Variants in LRP1B observed in about 807,000 individuals in gnomAD.
LRP1B encodes the protein LDL receptor related protein 1B.
In LRP1B, 217 loss-of-function variants were observed where a neutral mutation model predicts 556.6. The observed-to-expected ratio is 0.39, with a 90% CI of 0.35 to 0.44. The LOEUF (loss-of-function observed/expected upper bound fraction) is 0.44. Among genes scored for constraint, LRP1B ranks in the 20% least tolerant of loss-of-function variants. The pLI, the probability that LRP1B is intolerant of heterozygous loss-of-function variation, is 1.00. For synonymous variants in LRP1B, 2,047 were observed against 1,865.8 expected, an observed-to-expected ratio of 1.10 and a Z score of -2.50; for missense variants, 5,053 against 5,620.8, an observed-to-expected ratio of 0.90 and a Z score of 3.23.
intron 3 of LRP1B, among the ~76,000 whole-genome samples, chr2:141,280,242 T>TATTA (rs1685461492): frequency 6.6e-6 from 1 of 152,070 alleles, no homozygotes; most frequent in Non-Finnish European, 1.5e-5. Flanking sequence ...GAGACAGGAC[T>TATTA]GTAATTACAT....
At chr2:141,150,525 G>A (rs945813805) in intron 7 of LRP1B, among the ~76,000 whole-genome samples, 15 of 152,084 alleles carry the variant, frequency 9.9e-5, no homozygotes, top group African/African-American at 3.6e-4. Context: ...TTTTGGATTG[G>A]AGAAAGTACT....
chr2:140,388,782 C>G (rs1276576755), intron 66 of LRP1B, among the ~76,000 whole-genome samples: 8 of 152,182 alleles, frequency 5.3e-5, no homozygotes, highest in African/African-American at 1.9e-4. Context: ...AACATCAGTT[C>G]TCAAATTGGT....
chr2:141,298,293 T>A (rs565423635), intron 3 of LRP1B, among the ~76,000 whole-genome samples: 43 of 152,248 alleles, frequency 2.8e-4, no homozygotes, highest in Non-Finnish European at 5.0e-4. Flanking sequence ...GGAGGTACTA[T>A]ATGTCATGCC....
intron 2 of LRP1B, among the ~76,000 whole-genome samples, chr2:141,736,698 G>A (rs1345012339): frequency 6.6e-6 from 1 of 152,130 alleles, no homozygotes; most frequent in Non-Finnish European, 1.5e-5. Flanking sequence ...TACAGTGGCA[G>A]CAGAGATAAG....
intron 1 of LRP1B, among the ~76,000 whole-genome samples, chr2:141,874,474 A>G (rs1325445264): frequency 2.0e-5 from 3 of 151,962 alleles, no homozygotes; most frequent in Non-Finnish European, 2.9e-5. Flanking sequence ...CTCAAATATG[A>G]CTAATTATGA....
intron 7 of LRP1B, among the ~76,000 whole-genome samples, chr2:141,160,920 G>A (rs1680000549): frequency 6.6e-6 from 1 of 151,740 alleles, no homozygotes; most frequent in Non-Finnish European, 1.5e-5. Context: ...CTGAATAGTG[G>A]TTACAATTAA....
At chr2:140,922,389 G>T (rs1694763605) in intron 21 of LRP1B, among the ~76,000 whole-genome samples, 1 of 151,678 alleles carries the variant, frequency 6.6e-6, no homozygotes, top group Non-Finnish European at 1.5e-5. Flanking sequence ...CAGCCCCAAT[G>T]ACCCTCAAAT....
At chr2:140,766,341 C>A (rs918245959) in intron 35 of LRP1B, among the ~76,000 whole-genome samples, 12 of 151,928 alleles carry the variant, frequency 7.9e-5, no homozygotes. Flanking sequence ...TTGTATATCA[C>A]CACTATAAAG....
chr2:140,517,595 A>T (rs768619025), intron 49 of LRP1B, among the ~76,000 whole-genome samples: 38 of 152,146 alleles, frequency 2.5e-4, no homozygotes, highest in Admixed American at 2.0e-3. Context: ...AATTATCATA[A>T]AAAAGTACCT....
chr2:142,079,717 C>A (rs1387487110), intron 1 of LRP1B, among the ~76,000 whole-genome samples: 1 of 152,042 alleles, frequency 6.6e-6, no homozygotes, highest in Non-Finnish European at 1.5e-5. Context: ...ACCATGTTGC[C>A]CAGGCTGATC....
At chr2:141,668,283 T>C (rs1690520664) in intron 2 of LRP1B, among the ~76,000 whole-genome samples, 1 of 152,124 alleles carries the variant, frequency 6.6e-6, no homozygotes, top group African/African-American at 2.4e-5. Context: ...GACAGGGAAA[T>C]ACTGGGTAGA....
intron 3 of LRP1B, among the ~76,000 whole-genome samples, chr2:141,452,703 T>C (rs1681465923): frequency 6.6e-6 from 1 of 152,176 alleles, no homozygotes; most frequent in South Asian, 2.1e-4. Context: ...AATCAACTAG[T>C]TTGCTTGTTT....
At chr2:141,778,024 T>A (rs1695133770) in intron 2 of LRP1B, among the ~76,000 whole-genome samples, 1 of 152,198 alleles carries the variant, frequency 6.6e-6, no homozygotes. Flanking sequence ...CAATGATAAG[T>A]AAGCTGAATA....
chr2:142,079,716 C>T (rs1432708585), intron 1 of LRP1B, among the ~76,000 whole-genome samples: 3 of 151,768 alleles, frequency 2.0e-5, no homozygotes, highest in East Asian at 3.9e-4. Context: ...CACCATGTTG[C>T]CCAGGCTGAT....
chr2:140,905,433 T>G (rs77351170), intron 22 of LRP1B, among the ~76,000 whole-genome samples: 4,028 of 152,156 alleles, frequency 0.026, 163 homozygotes, highest in African/African-American at 0.092. Flanking sequence ...TATAAATCCT[T>G]TCTGTGCCTT....
At chr2:141,009,650 A>G (rs1435251560) in intron 14 of LRP1B, among the ~76,000 whole-genome samples, 1 of 152,030 alleles carries the variant, frequency 6.6e-6, no homozygotes, top group Non-Finnish European at 1.5e-5. Flanking sequence ...TCATACATTA[A>G]ATAAAAACTG....
At chr2:141,313,811 C>T (rs1686899097) in intron 3 of LRP1B, among the ~76,000 whole-genome samples, 2 of 151,780 alleles carry the variant, frequency 1.3e-5, no homozygotes, top group South Asian at 4.2e-4. Context: ...TCTCTCCTGC[C>T]TTTACATTTC....
At chr2:141,696,940 T>C (rs1226059840) in intron 2 of LRP1B, among the ~76,000 whole-genome samples, 2 of 151,960 alleles carry the variant, frequency 1.3e-5, no homozygotes, top group Non-Finnish European at 1.5e-5. Context: ...ATAATAATAA[T>C]ACGGTAATGT....
At chr2:140,554,745 A>G (rs1680665089) in intron 43 of LRP1B, among the ~76,000 whole-genome samples, 1 of 152,028 alleles carries the variant, frequency 6.6e-6, no homozygotes. Context: ...TTAACTTTCA[A>G]TAATTATTTA....
Sources: allele counts gnomAD v4.1 joint callset (sites outside exome capture counted in the v4.1 genomes callset), GRCh38; gene constraint gnomAD v4.1.1; transcripts MANE v1.5; gene names NCBI Gene and HGNC (gene_info 2026-07-23, HGNC 2026-07-21).